The following FANCB variants were observed in gnomAD, a reference collection of about 807,000 sequenced individuals.
The protein encoded by FANCB is Fanconi anemia group B protein.
FANCB carries 5 observed loss-of-function variants against 38.9 expected under a neutral mutation model. The observed-to-expected ratio is 0.13, with a 90% CI of 0.07 to 0.27. The LOEUF is 0.27. Ranked by LOEUF, FANCB falls within the 10% of genes least tolerant of loss-of-function variation. The pLI is 1.00. For missense variants in FANCB, 573 were observed against 602.7 expected, an observed-to-expected ratio of 0.95 and a Z score of 0.52; for synonymous variants, 236 against 215.4, an observed-to-expected ratio of 1.10 and a Z score of -0.84.
Position 14,850,584 on chromosome X carries a change from G to C in FANCB, c.1417C>G (p.Gln473Glu), listed in dbSNP as rs1601985434. 1 of 1,192,835 alleles carries C rather than the reference G, an allele frequency of 8.4e-7. No homozygotes were observed. The highest frequency in any genetic ancestry group is 3.0e-5 in the East Asian group (1 of 33,720). The change falls in exon 7 of 10, where the codon CAG becomes GAG. Residue 473 changes from glutamine (Q) to glutamate (E), a missense_variant. By Grantham distance (29) the Gln-to-Glu change is conservative. Transcript: ENST00000650831. ...KLSDNFQDSEQLVEKIWYRVI... is the reference protein window; with the variant it reads ...KLSDNFQDSEELVEKIWYRVI... Reference sequence around the variant, plus strand: ...CGATACCATATCTTCTCTACTAGCTGTTCTGAATCTTGAAAATTGTCTGAT... The same window carrying C: ...CGATACCATATCTTCTCTACTAGCTCTTCTGAATCTTGAAAATTGTCTGAT...
intron 1 of FANCB, among the ~76,000 whole-genome samples, chrX:14,871,909 T>C (rs935548331): frequency 9.1e-6 from 1 of 109,876 alleles, no homozygotes; most frequent in African/African-American, 3.3e-5. Context: ...AACATCCTTA[T>C]GACATAGGCA....
chrX:14,825,364 T>C, the FANCB span, among the ~76,000 whole-genome samples: 1 of 112,056 alleles, frequency 8.9e-6, no homozygotes, highest in African/African-American at 3.2e-5. Flanking sequence ...GTCTATTATA[T>C]GCTAGTCTTT....
the FANCB span, among the ~76,000 whole-genome samples, chrX:14,710,006 A>G: frequency 8.9e-6 from 1 of 112,023 alleles, no homozygotes; most frequent in Non-Finnish European, 1.9e-5. Context: ...GAAAGCAATG[A>G]CATGATGGCC....
the FANCB span, chrX:14,731,456 G>T: frequency 8.9e-6 from 1 of 111,953 alleles, no homozygotes; most frequent in Admixed American, 9.5e-5. Context: ...GCTCAGGTCA[G>T]CTTGAACTTT....
At chrX:14,754,656 T>C in the FANCB span, among the ~76,000 whole-genome samples, 40 of 111,175 alleles carry the variant, frequency 3.6e-4, no homozygotes, top group African/African-American at 1.1e-3. Flanking sequence ...ATAACAGTCA[T>C]TGGAGGAGAA....
intron 2 of FANCB, among the ~76,000 whole-genome samples, chrX:14,867,071 GA>G (rs2092472544): frequency 9.0e-6 from 1 of 111,288 alleles, no homozygotes; most frequent in South Asian, 3.7e-4. Context: ...ATATACTGAT[GA>G]AAAAAATTAA....
At chrX:14,871,684 A>AT (rs1405130412) in intron 1 of FANCB, among the ~76,000 whole-genome samples, 1 of 111,232 alleles carries the variant, frequency 9.0e-6, no homozygotes, top group Non-Finnish European at 1.9e-5. Context: ...AATAAAATGA[A>AT]TTAAAAATTA....
At position 14,865,346 on chromosome X, in the gene FANCB, T is replaced by G; in HGVS notation, c.165A>C (p.Lys55Asn). ...ATCCAGTGGACTTCTGAACAAATAC[T>G]TTTGTTCCTCTGTCAAATACCATTC... ...VRRMVFDRGTKVFVQKSTGFF... is the reference protein window; with the variant it reads ...VRRMVFDRGTNVFVQKSTGFF... Residue 55 changes from lysine (K) to asparagine (N), a missense_variant, in exon 3 of 10, where the codon AAA becomes AAC. By Grantham distance (94) the Lys-to-Asn change is moderately conservative. Coordinates refer to ENST00000650831, the MANE Select transcript of FANCB (RefSeq NM_001018113.3). The G allele has an allele frequency of 8.4e-7, 1 of 1,190,386 alleles. No individual in the cohort carries two copies. Among genetic ancestry groups the G allele is most frequent in the Non-Finnish European group, 1.1e-6 (1 of 885,239 alleles).
the FANCB span, among the ~76,000 whole-genome samples, chrX:14,801,177 G>A: frequency 8.9e-6 from 1 of 111,856 alleles, no homozygotes; most frequent in African/African-American, 3.3e-5. Flanking sequence ...GGGACCTAAC[G>A]GTCATCAATG....
At chrX:14,848,341 C>A (rs928850396) in intron 7 of FANCB, among the ~76,000 whole-genome samples, 5 of 111,802 alleles carry the variant, frequency 4.5e-5, no homozygotes, top group African/African-American at 1.6e-4. Context: ...GATTCCTATC[C>A]CAGAAAAGCA....
the FANCB span, among the ~76,000 whole-genome samples, chrX:14,775,894 A>C: frequency 1.8e-5 from 2 of 111,355 alleles, no homozygotes; most frequent in Non-Finnish European, 3.8e-5. Flanking sequence ...CTGGGGCATA[A>C]GCAGCTGCTA....
chrX:14,827,730 T>A, the FANCB span, among the ~76,000 whole-genome samples: 1 of 112,229 alleles, frequency 8.9e-6, no homozygotes, highest in African/African-American at 3.2e-5. Flanking sequence ...ATCCTCTATA[T>A]AATTAATCCA....
At chrX:14,820,124 C>T in the FANCB span, among the ~76,000 whole-genome samples, 3 of 111,145 alleles carry the variant, frequency 2.7e-5, no homozygotes, top group Non-Finnish European at 5.7e-5. Flanking sequence ...CATCCCTCTT[C>T]CCTAGTCCTA....
chrX:14,718,124 A>G, the FANCB span, among the ~76,000 whole-genome samples: 1 of 111,250 alleles, frequency 9.0e-6, no homozygotes, highest in South Asian at 3.8e-4. Flanking sequence ...ATTGATTCCT[A>G]TAGTAGGGTG....
chrX:14,854,790 C>A (rs967152205), intron 5 of FANCB, among the ~76,000 whole-genome samples: 2 of 111,799 alleles, frequency 1.8e-5, no homozygotes, highest in Non-Finnish European at 3.8e-5. Context: ...ATTCCAGGAG[C>A]TGCCCAGGGG....
At chrX:14,835,186 G>T (rs774094914), downstream of FANCB, 5 of 526,849 alleles carry the variant, frequency 9.5e-6, no homozygotes, top group Non-Finnish European at 3.5e-6. Flanking sequence ...TAAACAGACC[G>T]TTCTTAAAGA....
chrX:14,809,497 G>A, the FANCB span, among the ~76,000 whole-genome samples: 12 of 111,521 alleles, frequency 1.1e-4, no homozygotes, highest in Admixed American at 1.9e-4. Context: ...CTTTTCCAAC[G>A]GGCTTAAAAA....
At chrX:14,776,800 T>C in the FANCB span, among the ~76,000 whole-genome samples, 1 of 112,700 alleles carries the variant, frequency 8.9e-6, no homozygotes, top group African/African-American at 3.2e-5. Context: ...GGAGTGTTTA[T>C]CTTGCAGGTG....
At chrX:14,777,831 T>C in the FANCB span, among the ~76,000 whole-genome samples, 1 of 112,179 alleles carries the variant, frequency 8.9e-6, no homozygotes, top group Non-Finnish European at 1.9e-5. Flanking sequence ...TCACGATCTT[T>C]CAATGACTGC....
Sources: gnomAD v4.1 joint callset for allele counts (sites outside exome capture counted in the v4.1 genomes callset) on GRCh38, gnomAD v4.1.1 for gene constraint, MANE v1.5 for transcripts, NCBI Gene and HGNC (gene_info 2026-07-23, HGNC 2026-07-21) for gene names.